The following USP10 variants were observed in gnomAD, a reference collection of about 807,000 sequenced individuals.
USP10 encodes ubiquitin specific peptidase 10.
In USP10, 22 loss-of-function variants were observed where a neutral mutation model predicts 84.5. The ratio of observed to expected loss-of-function variants is 0.26; its 90% CI spans 0.19 to 0.37. The LOEUF is 0.37. USP10 is among the 10% of genes least tolerant of loss of function. The pLI is 1.00. For synonymous variants in USP10, 454 were observed against 387.6 expected, an observed-to-expected ratio of 1.17 and a Z score of -2.01; for missense variants, 1,019 against 998.9, an observed-to-expected ratio of 1.02 and a Z score of -0.27.
intron 2 of USP10, among the ~76,000 whole-genome samples, chr16:84,738,908 A>T (rs1476281613): frequency 6.6e-6 from 1 of 152,132 alleles, no homozygotes; most frequent in Non-Finnish European, 1.5e-5. Context: ...GGAGCCTCTG[A>T]ACTTTGCGGC....
At chr16:84,763,942 T>C in intron 9 of USP10, 144 bp from the exon 10 acceptor site, 1 of 1,024,368 alleles carries the variant, frequency 9.8e-7, no homozygotes, top group Non-Finnish European at 1.4e-6. Context: ...GTGACGTTGC[T>C]CCTGTTGCGA....
chr16:84,714,928 TA>T (rs1469700755), intron 1 of USP10, among the ~76,000 whole-genome samples: 19 of 149,580 alleles, frequency 1.3e-4, no homozygotes, highest in African/African-American at 3.4e-4. Flanking sequence ...TTATTATTAT[TA>T]TTATTATTTT....
chr16:84,743,721 C>G (rs865893156), intron 3 of USP10, among the ~76,000 whole-genome samples: 1 of 152,210 alleles, frequency 6.6e-6, no homozygotes, highest in Admixed American at 6.5e-5. Context: ...GATTCTAAAA[C>G]TTAACCTGAT....
chr16:84,743,976 C>G (rs1302366518), intron 3 of USP10, among the ~76,000 whole-genome samples: 3 of 152,150 alleles, frequency 2.0e-5, no homozygotes, highest in African/African-American at 7.2e-5. Context: ...TTGAAGGTTA[C>G]CAGCGGAGGA....
chr16:84,712,522 C>T (rs1000141000), intron 1 of USP10, among the ~76,000 whole-genome samples: 5 of 152,182 alleles, frequency 3.3e-5, no homozygotes, highest in Non-Finnish European at 5.9e-5. Flanking sequence ...AGCTGGTTGT[C>T]ATTCACTGTT....
At position 84,764,305 on chromosome 16, in the gene USP10, G is replaced by A. The variant is rs142856501; in HGVS notation, c.1832+42G>A. The A allele has an allele frequency of 1.7e-4, 280 of 1,613,184 alleles. 2 individuals are homozygous for A. The East Asian group carries it at 6.1e-3, about 35-fold the overall frequency. ...AATAACTTAATATTTGCCTTTTCTA[G>A]GGTTTTGCCATGTTGGTGAAGGGGG... On this transcript the variant is annotated intron_variant, in intron 10 of 13. Transcript: ENST00000219473.
At chr16:84,729,648 T>A (rs142898831) in intron 1 of USP10, among the ~76,000 whole-genome samples, 2 of 152,352 alleles carry the variant, frequency 1.3e-5, no homozygotes, top group Admixed American at 1.3e-4. Flanking sequence ...GTTCCTTTAT[T>A]TCAGTTATAA....
intron 4 of USP10, among the ~76,000 whole-genome samples, chr16:84,753,216 A>C (rs1320668642): frequency 6.6e-6 from 1 of 152,142 alleles, no homozygotes; most frequent in Non-Finnish European, 1.5e-5. Context: ...TCCTGGACTC[A>C]AGTGATCTTC....
At chr16:84,778,093 G>A (rs1275896713) in intron 13 of USP10, among the ~76,000 whole-genome samples, 2 of 145,550 alleles carry the variant, frequency 1.4e-5, no homozygotes, top group East Asian at 2.0e-4. Flanking sequence ...GTAAATAACT[G>A]TGTGTGTGTG....
intron 9 of USP10, 31 bp downstream of exon 9, chr16:84,763,119 T>C: frequency 6.8e-7 from 1 of 1,479,780 alleles, no homozygotes; most frequent in South Asian, 1.2e-5. Context: ...CGCAGAGTTG[T>C]GCAAGAGTTC....
chr16:84,754,075 T>C (rs1474006243), intron 4 of USP10, among the ~76,000 whole-genome samples: 1 of 152,082 alleles, frequency 6.6e-6, no homozygotes, highest in Non-Finnish European at 1.5e-5. Flanking sequence ...GCAGTTGAAG[T>C]GTGAGAGTCT....
At position 84,778,887 on chromosome 16, in the gene USP10, T is replaced by C. The variant is rs1254442934; in HGVS notation, c.2210-8T>C. Reference sequence around the variant, plus strand: ...TCTCACTCTGCTGCCTGCTGGGCTCTCTTCCAGTGGTCTACCATCACGGCA... The same window carrying C: ...TCTCACTCTGCTGCCTGCTGGGCTCCCTTCCAGTGGTCTACCATCACGGCA... On this transcript the variant is annotated splice_region_variant and splice_polypyrimidine_tract_variant and intron_variant, in intron 13 of 13. Transcript: ENST00000219473. The C allele has an allele frequency of 6.8e-6, 11 of 1,611,476 alleles. No individual in the cohort carries two copies. The highest frequency in any genetic ancestry group is 9.3e-6 in the Non-Finnish European group (11 of 1,178,394).
chr16:84,750,523 C>T (rs1456555499), intron 4 of USP10, among the ~76,000 whole-genome samples: 1 of 152,042 alleles, frequency 6.6e-6, no homozygotes, highest in African/African-American at 2.4e-5. Flanking sequence ...GCTGCTGCTT[C>T]CCTCATTAGC....
intron 1 of USP10, among the ~76,000 whole-genome samples, chr16:84,713,540 T>G (rs1315391325): frequency 1.3e-5 from 2 of 152,128 alleles, no homozygotes; most frequent in Non-Finnish European, 2.9e-5. Context: ...CAATGTAAGC[T>G]CCGTGAGGGC....
At chr16:84,732,157 A>G (rs540421830) in intron 1 of USP10, among the ~76,000 whole-genome samples, 1 of 152,190 alleles carries the variant, frequency 6.6e-6, no homozygotes, top group Non-Finnish European at 1.5e-5. Context: ...AGGGTATTAC[A>G]TTTAGTGGCC....
chr16:84,721,879 A>G (rs10459848), intron 1 of USP10, among the ~76,000 whole-genome samples: 7,208 of 152,278 alleles, frequency 0.047, 276 homozygotes, highest in East Asian at 0.22. Context: ...TTGTGTTTTC[A>G]TAGAGACAGG....
rs756186970 is a variant in USP10, at chr16:84,758,679, T to C, written c.1193-37T>C. ...TGATTTGAATGTTCTTCACTAGATG[T>C]CATCAATTTCTGAAATATGCTTCTT... is the stretch of plus-strand genomic sequence containing the variant. On this transcript the variant is annotated intron_variant, in intron 4 of 13. Coordinates refer to ENST00000219473, the MANE Select transcript of USP10 (RefSeq NM_005153.3). 5 of 1,392,128 alleles carry C rather than the reference T, an allele frequency of 3.6e-6. No individual in the cohort carries two copies. In the Admixed American group the frequency reaches 8.4e-5, roughly 23 times the overall value. The allele number at this position is 1,392,128 out of a possible 1,614,324, so 86.2% of individuals were successfully genotyped here.
chr16:84,704,804 C>T (rs1234233818), intron 1 of USP10: 11 of 1,535,566 alleles, frequency 7.2e-6, no homozygotes, highest in Admixed American at 5.9e-5. Context: ...CCAGCACTGC[C>T]ATTCTGTCCC....
chr16:84,775,177 G>A lies in USP10; in HGVS notation c.2161G>A (p.Val721Ile), dbSNP rs757251475. Residue 721 changes from valine to isoleucine, a missense_variant, in exon 13 of 14, where the codon GTT (valine) becomes ATT (isoleucine). Around this residue, in one of 2 missense-constraint regions of USP10, gnomAD observed 232 missense variants for 290.1 expected, o/e 0.80. Coordinates refer to ENST00000219473, the MANE Select transcript of USP10 (RefSeq NM_005153.3). The part of the protein sequence containing the change: ...EISKELLSPG[V>I]KNKNFKCHRT... Reference sequence around the variant, plus strand: ...TTTTCCAGAACTGCTTTCTCCAGGGGTTAAAAATAAGAATTTTAAATGCCA... The same window carrying A: ...TTTTCCAGAACTGCTTTCTCCAGGGATTAAAAATAAGAATTTTAAATGCCA... 14 of 1,613,700 alleles carry A rather than the reference G, an allele frequency of 8.7e-6. No individual in the cohort carries two copies. Among genetic ancestry groups the A allele is most frequent in the Non-Finnish European group, 1.2e-5 (14 of 1,179,762 alleles).
Sources: allele counts gnomAD v4.1 joint callset (sites outside exome capture counted in the v4.1 genomes callset), GRCh38; gene constraint gnomAD v4.1.1; regional missense constraint gnomAD v4.1.1; transcripts MANE v1.5; gene names NCBI Gene and HGNC (gene_info 2026-07-23, HGNC 2026-07-21).